Variants in OLFM2 observed in about 807,000 individuals in gnomAD.
The protein encoded by OLFM2 is olfactomedin 2, also known as noelin-2.
In OLFM2, 20 loss-of-function variants were observed where a neutral mutation model predicts 43.9. The ratio of observed to expected loss-of-function variants is 0.46; its 90% confidence interval spans 0.32 to 0.66. The LOEUF is 0.66. Among genes scored for constraint, OLFM2 ranks in the 30% least tolerant of loss-of-function variants. OLFM2 has a pLI of 0.04. For missense variants in OLFM2, 416 were observed against 643.6 expected (o/e 0.65, Z 3.83); for synonymous variants, 268 against 278.6 (o/e 0.96, Z 0.38).
At chr19:9,922,320 C>A (rs1341320533) in intron 1 of OLFM2, among the ~76,000 whole-genome samples, 3 of 151,874 alleles carry the variant, frequency 2.0e-5, no homozygotes, top group Non-Finnish European at 4.4e-5. Flanking sequence ...AAGAAAAAAC[C>A]AGACATCTGA....
intron 1 of OLFM2, among the ~76,000 whole-genome samples, chr19:9,880,069 GC>G (rs374569372): frequency 4.4e-4 from 67 of 152,246 alleles, no homozygotes; most frequent in Non-Finnish European, 8.2e-4. Context: ...AAGCCACTGG[GC>G]CCGGTCTGGT....
rs528905230 is a variant in OLFM2 at position 9,894,376 on chromosome 19, C to CAATAATAATAATAAT, written c.64-33597_64-33583dup. On this transcript the variant is annotated intron_variant, in intron 1 of 5. Coordinates refer to ENST00000264833, the MANE Select transcript of OLFM2 (RefSeq NM_058164.4). ...TGGGCAACAGAGTGAGACTCTCTCT[C>CAATAATAATAATAAT]AATAATAATAATAATAATAATAATA... 1.6e-3 allele frequency among the ~76,000 whole-genome samples: 194 copies of CAATAATAATAATAAT among 118,278 alleles called. 1 individual carries two copies. Among genetic ancestry groups the CAATAATAATAATAAT allele is most frequent in the Middle Eastern group, 4.3e-3 (1 of 230 alleles). The allele number at this position is 118,278 out of a possible 152,430, so 77.6% of individuals were successfully genotyped here.
At position 9,857,389 on chromosome 19, in the gene OLFM2, C is replaced by T; in HGVS notation, c.454G>A (p.Glu152Lys). 6.2e-7 allele frequency: 1 copy of T among 1,614,206 alleles called. No individual in the cohort carries two copies. The highest frequency in any genetic ancestry group is 8.5e-7 in the Non-Finnish European group (1 of 1,180,038). Residue 152 changes from glutamate (E) to lysine (K), a missense_variant, in exon 4 of 6, where the codon GAG (glutamate) becomes AAG (lysine). Glu to Lys is a moderately conservative substitution (Grantham distance 56, BLOSUM62 1). Coordinates refer to ENST00000264833, the MANE Select transcript of OLFM2 (RefSeq NM_058164.4). This position sits in a 1 kb window ranked among gnomAD's most constrained non-coding sequence, Gnocchi z 5.7. ...AGACTGCCGGAGAGATTCCTCACCT[C>T]CTCCCGCAAGCGTACAATGGTCCGC... ...DTRTIVRLRE[E>K]VRNLSGSLAA... is the part of the protein sequence containing the mutation.
chr19:9,857,651 G>T lies in OLFM2; in HGVS notation c.360+64C>A, dbSNP rs561092903. On this transcript the variant is annotated intron_variant, in intron 3 of 5. Coordinates refer to ENST00000264833, the MANE Select transcript of OLFM2 (RefSeq NM_058164.4). The surrounding 1 kb of genome is among the most constrained non-coding windows in gnomAD (Gnocchi z 5.7). The stretch of plus-strand genomic sequence containing the variant: ...CTTCCCAGACATGACTCCATTGTAG[G>T]AACTAATGGATACCAAATCCCAGTC... The T allele has an allele frequency of 6.9e-6, 11 of 1,596,470 alleles. No individual in the cohort carries two copies. The highest frequency in any genetic ancestry group is 9.4e-6 in the Non-Finnish European group (11 of 1,164,440).
intron 1 of OLFM2, among the ~76,000 whole-genome samples, chr19:9,880,832 AC>A (rs1568373941): frequency 6.6e-6 from 1 of 152,056 alleles, no homozygotes; most frequent in East Asian, 1.9e-4. Context: ...TAGTAAACAA[AC>A]ACACATTTCT....
intron 1 of OLFM2, among the ~76,000 whole-genome samples, chr19:9,923,592 GAAGGAAAGA>G (rs1269606358): frequency 6.5e-4 from 79 of 121,138 alleles, no homozygotes; most frequent in African/African-American, 2.2e-3. Context: ...AAGAAAGAAA[GAAGGAAAGA>G]AAGGAAAGAA....
intron 1 of OLFM2, among the ~76,000 whole-genome samples, chr19:9,893,291 A>G (rs143641957): frequency 0.02 from 2,963 of 151,936 alleles, 69 homozygotes; most frequent in South Asian, 0.081. Context: ...CAGCCTCCCA[A>G]GTAGCTGGGA....
chr19:9,923,513 C>A (rs976455050), intron 1 of OLFM2, among the ~76,000 whole-genome samples: 1 of 143,996 alleles, frequency 6.9e-6, no homozygotes, highest in African/African-American at 2.6e-5. Flanking sequence ...ACAAGATCAT[C>A]GCCACTGCAC....
chr19:9,862,710 C>T (rs2046373012), intron 1 of OLFM2, among the ~76,000 whole-genome samples: 1 of 151,826 alleles, frequency 6.6e-6, no homozygotes, highest in East Asian at 1.9e-4. Context: ...CGCGGTGGCT[C>T]ACACCTGTAA....
At chr19:9,886,711 A>G (rs1220947500) in intron 1 of OLFM2, among the ~76,000 whole-genome samples, 2 of 148,970 alleles carry the variant, frequency 1.3e-5, no homozygotes, top group Non-Finnish European at 3.0e-5. Context: ...CGCACCTTAC[A>G]TTCATCTCGT....
intron 1 of OLFM2, among the ~76,000 whole-genome samples, chr19:9,927,690 C>T (rs1399498040): frequency 6.6e-6 from 1 of 152,196 alleles, no homozygotes; most frequent in Admixed American, 6.6e-5. Flanking sequence ...CCATTCAGAG[C>T]GGACTGTGTC....
chr19:9,927,383 C>T (rs2086460105), intron 1 of OLFM2, among the ~76,000 whole-genome samples: 1 of 152,186 alleles, frequency 6.6e-6, no homozygotes, highest in South Asian at 2.1e-4. Context: ...AGCTCACTTC[C>T]CTTCTCCTAT....
At chr19:9,906,050 C>T (rs911130702) in intron 1 of OLFM2, among the ~76,000 whole-genome samples, 8 of 152,148 alleles carry the variant, frequency 5.3e-5, no homozygotes, top group African/African-American at 1.2e-4. Flanking sequence ...CATGAAGACA[C>T]GCTCAAACAT....
At chr19:9,909,473 C>G (rs538353833) in intron 1 of OLFM2, among the ~76,000 whole-genome samples, 1 of 152,132 alleles carries the variant, frequency 6.6e-6, no homozygotes, top group East Asian at 1.9e-4. Context: ...TTCCTCCCCA[C>G]GTCTTCCCAG....
chr19:9,855,004 A>T, intron 5 of OLFM2, 141 bp from the exon 6 acceptor site: 1 of 654,930 alleles, frequency 1.5e-6, no homozygotes, highest in Non-Finnish European at 2.6e-6. Flanking sequence ...ATTACCAATT[A>T]TGGCCCTAGT....
At chr19:9,904,834 A>G (rs963094353) in intron 1 of OLFM2, among the ~76,000 whole-genome samples, 1 of 152,054 alleles carries the variant, frequency 6.6e-6, no homozygotes. Flanking sequence ...AGCCTGGGCC[A>G]CATAGTGAGC....
Position 9,854,654 on chromosome 19 carries a change from C to G in OLFM2, c.897G>C (p.Leu299=). 1.9e-6 allele frequency: 3 copies of G among 1,614,202 alleles called. No individual in the cohort carries two copies. Among genetic ancestry groups the G allele is most frequent in the Non-Finnish European group, 1.7e-6 (2 of 1,180,038 alleles). ...CGGCGCCCGGGAGGCTCCTCTGCAC[C>G]AGCACAGAGCGCGAGCGGAAGTGGT... ...VKYHFRSRSV[L]VQRSLPGAGY... is the part of the protein sequence containing the mutation. Residue 299 remains leucine (L), a synonymous_variant, in exon 6 of 6, where the codon CTG becomes CTC. Coordinates refer to ENST00000264833, the MANE Select transcript of OLFM2 (RefSeq NM_058164.4). This position sits in a 1 kb window ranked among gnomAD's most constrained non-coding sequence, Gnocchi z 9.5.
chr19:9,931,868 C>T (rs2086484981), intron 1 of OLFM2, among the ~76,000 whole-genome samples: 1 of 152,124 alleles, frequency 6.6e-6, no homozygotes, highest in South Asian at 2.1e-4. Flanking sequence ...CACACCTGGC[C>T]TGAAGAATGG....
At position 9,854,151 on chromosome 19, in the gene OLFM2, G is replaced by GCCC; in HGVS notation, c.*32_*34dup. 6 of 1,604,292 alleles carry GCCC rather than the reference G, an allele frequency of 3.7e-6. No individual in the cohort carries two copies. Among genetic ancestry groups the GCCC allele is most frequent in the Non-Finnish European group, 5.1e-6 (6 of 1,171,774 alleles). On this transcript the variant is annotated 3_prime_UTR_variant, in exon 6 of 6. Transcript: ENST00000264833. This position sits in a 1 kb window ranked among gnomAD's most constrained non-coding sequence, Gnocchi z 9.5. ...TGAAAAGGGCCCCCAGCCCCCAGAG[G>GCCC]CCCCCCAGGCAGCAGCCCGAGCCAC... is the stretch of plus-strand genomic sequence containing the variant.
Sources: allele counts gnomAD v4.1 joint callset (sites outside exome capture counted in the v4.1 genomes callset), GRCh38; gene constraint gnomAD v4.1.1; non-coding constraint Gnocchi (gnomAD v3.1); transcripts MANE v1.5; gene names NCBI Gene and HGNC (gene_info 2026-07-23, HGNC 2026-07-21).